MRPL13: variants seen among roughly 807,000 people sequenced by gnomAD.
The protein encoded by MRPL13 is mitochondrial ribosomal protein L13.
MRPL13 carries 33 observed loss-of-function variants against 29.0 expected under a neutral mutation model. The observed-to-expected ratio is 1.14, with a 90% confidence interval of 0.86 to 1.52. The LOEUF (loss-of-function observed/expected upper bound fraction) is 1.52. Among genes scored for constraint, MRPL13 ranks in the 40% most tolerant of loss-of-function variants. MRPL13 has a pLI of 0.00. For missense variants in MRPL13, 227 were observed against 216.7 expected (o/e 1.05, Z -0.30); for synonymous variants, 77 against 68.4 (o/e 1.13, Z -0.62).
intron 6 of MRPL13, among the ~76,000 whole-genome samples, chr8:120,407,397 A>G (rs1038088115): frequency 1.3e-5 from 2 of 152,146 alleles, no homozygotes; most frequent in Non-Finnish European, 2.9e-5. Flanking sequence ...CCTACTTCCC[A>G]GCACTTTGGG....
chr8:120,410,392 A>C (rs1162482432), intron 6 of MRPL13, among the ~76,000 whole-genome samples: 3 of 152,212 alleles, frequency 2.0e-5, no homozygotes, highest in Non-Finnish European at 4.4e-5. Flanking sequence ...GGTCCTCTCC[A>C]AAAGGAGAAA....
At chr8:120,414,920 G>A (rs1230479351) in intron 5 of MRPL13, 1 of 152,216 alleles carries the variant, frequency 6.6e-6, no homozygotes, top group East Asian at 1.9e-4. Context: ...ACAATGAACT[G>A]CAGTGGAGAA....
At chr8:120,397,891 C>T (rs1332722602) in intron 6 of MRPL13, among the ~76,000 whole-genome samples, 1 of 152,190 alleles carries the variant, frequency 6.6e-6, no homozygotes, top group Admixed American at 6.5e-5. Flanking sequence ...TTAAGTGGGA[C>T]CCCGATCCAT....
chr8:120,412,739 A>T (rs1252458444), intron 6 of MRPL13, among the ~76,000 whole-genome samples: 3 of 152,152 alleles, frequency 2.0e-5, no homozygotes, highest in Non-Finnish European at 4.4e-5. Context: ...CTAAGATGTA[A>T]ATGTTGAACC....
chr8:120,445,009 C>G, intron 1 of MRPL13, 59 bp downstream of exon 1: 1 of 1,611,722 alleles, frequency 6.2e-7, no homozygotes, highest in East Asian at 2.2e-5. Context: ...CTGCCGGAAC[C>G]AACGCTCTCC....
intron 3 of MRPL13, among the ~76,000 whole-genome samples, chr8:120,428,426 A>C (rs1462071331): frequency 3.9e-5 from 6 of 152,190 alleles, no homozygotes; most frequent in Non-Finnish European, 8.8e-5. Context: ...TTAAGAACAC[A>C]GGCATGGGCA....
At chr8:120,411,762 G>C (rs1018991134) in intron 6 of MRPL13, among the ~76,000 whole-genome samples, 15 of 152,074 alleles carry the variant, frequency 9.9e-5, no homozygotes, top group Non-Finnish European at 2.1e-4. Context: ...AGAGAGGGCA[G>C]GAAAATCTAT....
At chr8:120,425,738 C>T (rs976526138) in intron 3 of MRPL13, among the ~76,000 whole-genome samples, 2 of 152,024 alleles carry the variant, frequency 1.3e-5, no homozygotes, top group Non-Finnish European at 2.9e-5. Context: ...GTATAAACTA[C>T]GGGTTAGGTC....
chr8:120,405,534 T>A (rs1204601685), intron 6 of MRPL13, among the ~76,000 whole-genome samples: 1 of 152,202 alleles, frequency 6.6e-6, no homozygotes, highest in South Asian at 2.1e-4. Flanking sequence ...GGGTTCCCCT[T>A]AGACCAAAGA....
intron 6 of MRPL13, among the ~76,000 whole-genome samples, chr8:120,406,492 G>C (rs1028032297): frequency 2.6e-5 from 4 of 151,850 alleles, no homozygotes; most frequent in African/African-American, 4.8e-5. Flanking sequence ...GAATAAAGTA[G>C]TGAGCAGGAC....
intron 1 of MRPL13, 142 bp downstream of exon 1, chr8:120,444,926 C>G: frequency 1.9e-6 from 2 of 1,038,584 alleles, no homozygotes; most frequent in South Asian, 1.3e-5. Flanking sequence ...ACTGACGACC[C>G]TCTTGTGCTT....
At chr8:120,424,598 C>A (rs2130472503) in intron 4 of MRPL13, among the ~76,000 whole-genome samples, 1 of 151,980 alleles carries the variant, frequency 6.6e-6, no homozygotes, top group Middle Eastern at 3.4e-3. Flanking sequence ...AACCTGGTCT[C>A]CACAAAAAAT....
At chr8:120,431,164 G>T (rs1338041623) in intron 3 of MRPL13, among the ~76,000 whole-genome samples, 1 of 152,104 alleles carries the variant, frequency 6.6e-6, no homozygotes, top group Non-Finnish European at 1.5e-5. Context: ...GGAAAGAGAT[G>T]AAAAGTAACA....
chr8:120,408,901 A>G (rs184927496), intron 6 of MRPL13, among the ~76,000 whole-genome samples: 1 of 152,328 alleles, frequency 6.6e-6, no homozygotes, highest in Admixed American at 6.5e-5. Context: ...ATGCTCACCA[A>G]TGCAGTGCTA....
intron 5 of MRPL13, chr8:120,419,539 A>G (rs1563773920): frequency 5.8e-6 from 1 of 171,840 alleles, no homozygotes; most frequent in Non-Finnish European, 1.2e-5. Context: ...TTCATAGTGA[A>G]TGAAATTATC....
chr8:120,409,286 A>G (rs1168796272), intron 6 of MRPL13, among the ~76,000 whole-genome samples: 1 of 152,244 alleles, frequency 6.6e-6, no homozygotes, highest in East Asian at 1.9e-4. Context: ...ATTTTTTCAC[A>G]TACGTAGTTT....
chr8:120,415,366 G>A (rs1038403328), intron 5 of MRPL13: 6 of 152,202 alleles, frequency 3.9e-5, no homozygotes, highest in South Asian at 2.1e-4. Context: ...TCTGCAGAGC[G>A]CACTATTACA....
intron 4 of MRPL13, 68 bp downstream of exon 4, chr8:120,425,238 G>C: frequency 8.3e-7 from 1 of 1,199,288 alleles, no homozygotes; most frequent in Admixed American, 1.8e-5. Context: ...AATGAGAAGG[G>C]AGACTGACAA....
At chr8:120,443,066 T>C in intron 2 of MRPL13, 119 bp downstream of exon 2, 1 of 1,041,004 alleles carries the variant, frequency 9.6e-7, no homozygotes, top group Non-Finnish European at 1.3e-6. Flanking sequence ...AAGAATGGAA[T>C]ACAGGATCCT....
Sources: allele counts gnomAD v4.1 joint callset (sites outside exome capture counted in the v4.1 genomes callset), GRCh38; gene constraint gnomAD v4.1.1; transcripts MANE v1.5; gene names NCBI Gene and HGNC (gene_info 2026-07-23, HGNC 2026-07-21).